FIBCD1: variants seen among roughly 807,000 people sequenced by gnomAD.
The protein encoded by FIBCD1 is fibrinogen C domain-containing protein 1.
A neutral mutation model predicts 45.1 loss-of-function variants in FIBCD1; 47 were observed. That is an observed-to-expected ratio of 1.04 (90% CI 0.82 to 1.33). FIBCD1 has a LOEUF of 1.33. Ranked by LOEUF, FIBCD1 falls within the 40% of genes most tolerant of loss-of-function variation. The pLI, the probability that FIBCD1 is intolerant of heterozygous loss-of-function variation, is 0.00. For synonymous variants in FIBCD1, 313 were observed against 308.1 expected (o/e 1.02, Z -0.17); for missense variants, 653 against 682.2 (o/e 0.96, Z 0.48).
At chr9:130,913,832 G>A (rs1832109519) in intron 4 of FIBCD1, among the ~76,000 whole-genome samples, 1 of 152,200 alleles carries the variant, frequency 6.6e-6, no homozygotes, top group African/African-American at 2.4e-5. Flanking sequence ...CAGGCCCGAA[G>A]CCCCCTGGGA....
At chr9:130,915,675 C>A (rs1233740471) in intron 4 of FIBCD1, among the ~76,000 whole-genome samples, 3 of 152,166 alleles carry the variant, frequency 2.0e-5, no homozygotes, top group Non-Finnish European at 4.4e-5. Flanking sequence ...GCACTCCAAC[C>A]TGAGTGATAA....
intron 5 of FIBCD1, 89 bp downstream of exon 5, chr9:130,911,703 A>G (rs570456220): frequency 1.6e-6 from 2 of 1,230,528 alleles, no homozygotes; most frequent in Middle Eastern, 2.0e-4. Flanking sequence ...CCCAGCCCAA[A>G]CCCATTCAGG....
intron 5 of FIBCD1, 87 bp from the exon 6 acceptor site, chr9:130,905,500 A>G: frequency 1.4e-6 from 2 of 1,390,262 alleles, no homozygotes; most frequent in Non-Finnish European, 2.0e-6. Flanking sequence ...AGCTGAGCTC[A>G]TGCAGTTGGG....
At chr9:130,907,043 G>A (rs1014281626) in intron 5 of FIBCD1, among the ~76,000 whole-genome samples, 1 of 152,172 alleles carries the variant, frequency 6.6e-6, no homozygotes, top group Non-Finnish European at 1.5e-5. Flanking sequence ...AGGCAGAAGG[G>A]CCCCAAATCC....
At position 130,904,328 on chromosome 9, in the gene FIBCD1, G is replaced by A. The variant is rs367566321; in HGVS notation, c.1127-5C>T. On this transcript the variant is annotated splice_polypyrimidine_tract_variant and splice_region_variant and intron_variant, in intron 6 of 6. Coordinates refer to ENST00000372338, the MANE Select transcript of FIBCD1 (RefSeq NM_032843.5). ...TGTGCTTCAGGAGGGAGTCGCCTGC[G>A]CAGGGGTGCACACAGGTGTGGGCAC... 1.7e-5 allele frequency: 27 copies of A among 1,601,770 alleles called. No individual in the cohort carries two copies. The highest frequency in any genetic ancestry group is 4.0e-5 in the African/African-American group (3 of 74,800).
intron 2 of FIBCD1, among the ~76,000 whole-genome samples, chr9:130,925,619 C>T (rs963894359): frequency 8.5e-5 from 13 of 152,174 alleles, no homozygotes; most frequent in East Asian, 1.9e-4. Flanking sequence ...CCTTCACCCC[C>T]GCCCCTCCCT....
At chr9:130,935,418 A>G (rs1466707484) in intron 1 of FIBCD1, among the ~76,000 whole-genome samples, 1 of 152,190 alleles carries the variant, frequency 6.6e-6, no homozygotes, top group Non-Finnish European at 1.5e-5. Context: ...CCCTGCCCCA[A>G]GGGCGTGAGA....
rs548392112 is a variant in FIBCD1 at position 130,920,096 on chromosome 9, C to T, written c.849+3648G>A. Among the ~76,000 whole-genome samples the T allele has an allele frequency of 7.9e-5, 12 of 151,612 alleles. No individual in the cohort carries two copies. In the South Asian group the frequency reaches 8.4e-4, roughly 11 times the overall value. ...GGCCCTGAAAGGCAGGCAAGAGGGC[C>T]GCCCCACTGGACAGATGAGCAAGGG... On this transcript the variant is annotated intron_variant, in intron 4 of 6. Coordinates refer to ENST00000372338, the MANE Select transcript of FIBCD1 (RefSeq NM_032843.5).
chr9:130,940,478 C>T (rs1301615651), upstream of FIBCD1, among the ~76,000 whole-genome samples: 4 of 152,248 alleles, frequency 2.6e-5, no homozygotes, highest in African/African-American at 9.6e-5. Flanking sequence ...TCTGGCCCCT[C>T]GGCCTTTCCT....
At chr9:130,925,696 G>A (rs559404734) in intron 2 of FIBCD1, among the ~76,000 whole-genome samples, 2 of 152,280 alleles carry the variant, frequency 1.3e-5, no homozygotes, top group Admixed American at 6.5e-5. Flanking sequence ...TGCCTGTGTT[G>A]AGTGCCTGAA....
At chr9:130,927,004 G>A (rs550810212) in intron 2 of FIBCD1, among the ~76,000 whole-genome samples, 2 of 151,714 alleles carry the variant, frequency 1.3e-5, no homozygotes, top group South Asian at 2.1e-4. Context: ...TGGGGAGGCC[G>A]AGGTGGGTGG....
chr9:130,939,804 C>G (rs137917488), upstream of FIBCD1, among the ~76,000 whole-genome samples: 5,190 of 152,282 alleles, frequency 0.034, 142 homozygotes, highest in Middle Eastern at 0.072. Context: ...TTTAATCCGC[C>G]CGGAGCGGCC....
intron 4 of FIBCD1, among the ~76,000 whole-genome samples, chr9:130,916,470 A>G (rs1832163051): frequency 6.6e-6 from 1 of 152,208 alleles, no homozygotes; most frequent in Non-Finnish European, 1.5e-5. Flanking sequence ...CCTCGAGCCA[A>G]TGACAGCCCA....
At chr9:130,921,966 G>A (rs760936983) in intron 4 of FIBCD1, among the ~76,000 whole-genome samples, 11 of 152,184 alleles carry the variant, frequency 7.2e-5, no homozygotes, top group Non-Finnish European at 1.2e-4. Flanking sequence ...CCTTGCTGGC[G>A]GACTCGTCCC....
Position 130,924,373 on chromosome 9 carries a change from G to A in FIBCD1, c.576C>T (p.His192=), listed in dbSNP as rs545646071. ...TGACGGAGTTCACCAGGTGAGCCAT[G>A]TGGCCCTGGCTCTCAGAGAGAAGCT... is the stretch of plus-strand genomic sequence containing the variant. The part of the protein sequence containing the change: ...LIQLLSESQG[H]MAHLVNSVSD... Residue 192 remains histidine (H), a synonymous_variant, in exon 3 of 7, where the codon CAC becomes CAT. Coordinates refer to ENST00000372338, the MANE Select transcript of FIBCD1 (RefSeq NM_032843.5). 1.2e-6 allele frequency: 2 copies of A among 1,609,614 alleles called. No individual in the cohort carries two copies. Among genetic ancestry groups the A allele is most frequent in the Non-Finnish European group, 1.7e-6 (2 of 1,179,072 alleles).
At chr9:130,925,463 C>A (rs1275448191) in intron 2 of FIBCD1, among the ~76,000 whole-genome samples, 2 of 152,184 alleles carry the variant, frequency 1.3e-5, no homozygotes, top group Non-Finnish European at 2.9e-5. Flanking sequence ...CAGTCCCTCC[C>A]CCGTTCACTA....
At chr9:130,912,870 T>C (rs1005887967) in intron 4 of FIBCD1, among the ~76,000 whole-genome samples, 2 of 152,048 alleles carry the variant, frequency 1.3e-5, no homozygotes, top group Admixed American at 6.5e-5. Flanking sequence ...TCCTCCAGTT[T>C]TTAAGAACCA....
Position 130,903,928 on chromosome 9 carries a change from A to G in FIBCD1, c.*136T>C, listed in dbSNP as rs912486037. 5.9e-6 allele frequency: 7 copies of G among 1,181,366 alleles called. No individual in the cohort carries two copies. Among genetic ancestry groups the G allele is most frequent in the Middle Eastern group, 1.9e-4 (1 of 5,204 alleles). The allele number at this position is 1,181,366 out of a possible 1,614,324, so 73.2% of individuals were successfully genotyped here. ...TCACCGGCCCAGGGAGCTTCGTGTC[A>G]GGGATGGCCCGGCCCCTCCCTACTG... On this transcript the variant is annotated 3_prime_UTR_variant, in exon 7 of 7. Coordinates refer to ENST00000372338, the MANE Select transcript of FIBCD1 (RefSeq NM_032843.5).
At chr9:130,927,241 G>GA (rs755793834) in intron 2 of FIBCD1, among the ~76,000 whole-genome samples, 6,714 of 138,202 alleles carry the variant, frequency 0.049, 533 homozygotes, top group African/African-American at 0.17. Context: ...AGACTGTCTC[G>GA]AAAAAAAAAA....
Sources: allele counts gnomAD v4.1 joint callset (sites outside exome capture counted in the v4.1 genomes callset), GRCh38; gene constraint gnomAD v4.1.1; transcripts MANE v1.5; gene names NCBI Gene and HGNC (gene_info 2026-07-23, HGNC 2026-07-21).